The following MYO3B variants were observed in gnomAD, a reference collection of about 807,000 sequenced individuals.
MYO3B encodes the protein myosin IIIB, also known as myosin-IIIb.
In MYO3B, 156 loss-of-function variants were observed where a neutral mutation model predicts 174.6. That is an observed-to-expected ratio of 0.89 (90% CI 0.78 to 1.02). The LOEUF (loss-of-function observed/expected upper bound fraction) is 1.02, where lower values mean the gene tolerates loss of function less well. Among genes scored for constraint, MYO3B ranks in the 50% least tolerant of loss-of-function variants. The probability of loss-of-function intolerance (pLI) is 0.00; values close to 1 mark genes in which losing one functional copy is unlikely to be tolerated. For missense variants in MYO3B, 1,632 were observed against 1,639.4 expected, an observed-to-expected ratio of 1.00 and a Z score of 0.08; for synonymous variants, 563 against 569.1, an observed-to-expected ratio of 0.99 and a Z score of 0.15.
In MYO3B at chr2:170,382,945, G is replaced by T. The variant is rs1250259421; in HGVS notation, c.1069-128G>T. 5 of 648,714 alleles carry T rather than the reference G, an allele frequency of 7.7e-6. No individual in the cohort carries two copies. In the Admixed American group the frequency reaches 9.9e-5, roughly 13 times the overall value. The allele number at this position is 648,714 out of a possible 1,614,324, so 40.2% of individuals were successfully genotyped here. On this transcript the variant is annotated intron_variant, in intron 10 of 34. Transcript: ENST00000408978. The stretch of plus-strand genomic sequence containing the variant: ...ATTGGGATCATTAGGGTCATTGTAT[G>T]ATTTAAATGGACTACTTTCATCGTT...
intron 7 of MYO3B, among the ~76,000 whole-genome samples, chr2:170,310,092 T>G (rs34025731): frequency 0.39 from 58,600 of 152,140 alleles, 13,910 homozygotes; most frequent in East Asian, 0.6. Context: ...CATGGATCAG[T>G]ACTTATATCC....
At chr2:170,544,091 C>A in intron 32 of MYO3B, 103 bp downstream of exon 32, 3 of 836,238 alleles carry the variant, frequency 3.6e-6, no homozygotes, top group African/African-American at 1.7e-5. Flanking sequence ...GTAATATGAC[C>A]AAATGTTGGC....
intron 7 of MYO3B, among the ~76,000 whole-genome samples, chr2:170,279,800 T>G (rs1215003098): frequency 6.6e-6 from 1 of 152,196 alleles, no homozygotes; most frequent in Non-Finnish European, 1.5e-5. Context: ...ATGATCTCAT[T>G]ACTTTTTATG....
Position 170,619,737 on chromosome 2 carries a change from CTTTTTTTT to C in MYO3B, c.3734-31871_3734-31864del, listed in dbSNP as rs71412032. ...GATGGCCCATCACTGCTGCCATATT[CTTTTTTTT>C]TTTTTTTTTTTTTTTTTTTGAGACA... On this transcript the variant is annotated intron_variant, in intron 32 of 34. Coordinates refer to ENST00000408978, the MANE Select transcript of MYO3B (RefSeq NM_138995.5). Among the ~76,000 whole-genome samples the C allele has an allele frequency of 1.9e-3, 96 of 50,784 alleles. 3 individuals carry two copies. Among genetic ancestry groups the C allele is most frequent in the African/African-American group, 7.3e-3 (88 of 12,082 alleles). 33.3% of individuals were successfully genotyped at this position (50,784 alleles called of 152,430 possible).
chr2:170,294,086 C>A (rs1190448493), intron 7 of MYO3B, among the ~76,000 whole-genome samples: 1 of 152,084 alleles, frequency 6.6e-6, no homozygotes, highest in Non-Finnish European at 1.5e-5. Context: ...AGAGACAAGG[C>A]AGAGTTTATC....
chr2:170,472,910 A>G (rs1364433146), intron 25 of MYO3B, among the ~76,000 whole-genome samples: 1 of 151,412 alleles, frequency 6.6e-6, no homozygotes, highest in Non-Finnish European at 1.5e-5. Context: ...CATGTTGCCC[A>G]GGCTGGTTTT....
chr2:170,591,557 G>A (rs1012681360), intron 32 of MYO3B, among the ~76,000 whole-genome samples: 1 of 151,690 alleles, frequency 6.6e-6, no homozygotes, highest in African/African-American at 2.4e-5. Context: ...TGTAGAAAGG[G>A]AGGGTGCAGC....
At chr2:170,276,775 A>G (rs1305753897) in intron 7 of MYO3B, among the ~76,000 whole-genome samples, 2 of 152,150 alleles carry the variant, frequency 1.3e-5, no homozygotes, top group African/African-American at 2.4e-5. Context: ...GCAATTTCCA[A>G]CATAAATTTC....
At chr2:170,207,666 GAA>G (rs11289230) in intron 3 of MYO3B, among the ~76,000 whole-genome samples, 8 of 140,934 alleles carry the variant, frequency 5.7e-5, no homozygotes, top group Middle Eastern at 3.7e-3. Context: ...GGAAGAGAAA[GAA>G]AAAAAAAAAG....
At chr2:170,399,197 GC>G (rs2094458686) in intron 16 of MYO3B, among the ~76,000 whole-genome samples, 1 of 137,928 alleles carries the variant, frequency 7.3e-6, no homozygotes, top group Non-Finnish European at 1.5e-5. Flanking sequence ...AGCCGAGATC[GC>G]GCCATTGCAC....
Position 170,480,572 on chromosome 2 carries a change from C to G in MYO3B, c.3014+13861C>G, listed in dbSNP as rs551454736. 1.3e-4 allele frequency among the ~76,000 whole-genome samples: 20 copies of G among 152,258 alleles called. No homozygotes were observed. The South Asian group carries it at 2.3e-3, about 17-fold the overall frequency. ...AACTCAAAGAGGGTGTCATGGGAAC[C>G]CCAACTTGAAGCTGGTCAGTGAGAA... On this transcript the variant is annotated intron_variant, in intron 25 of 34. Transcript: ENST00000408978.
intron 25 of MYO3B, among the ~76,000 whole-genome samples, chr2:170,472,296 C>G (rs886230815): frequency 6.6e-6 from 1 of 152,106 alleles, no homozygotes; most frequent in African/African-American, 2.4e-5. Context: ...TGATTTGGCC[C>G]CTGCTTACTT....
intron 3 of MYO3B, among the ~76,000 whole-genome samples, chr2:170,211,547 C>A (rs570053811): frequency 1.3e-5 from 2 of 152,190 alleles, no homozygotes; most frequent in East Asian, 1.9e-4. Flanking sequence ...GCAATTCTTA[C>A]AAAATTTAGA....
intron 32 of MYO3B, among the ~76,000 whole-genome samples, chr2:170,635,680 C>G (rs1004690042): frequency 6.6e-6 from 1 of 152,124 alleles, no homozygotes; most frequent in Non-Finnish European, 1.5e-5. Context: ...TCTTAAAGAT[C>G]ACATTATAGG....
intron 32 of MYO3B, among the ~76,000 whole-genome samples, chr2:170,632,498 CT>C (rs1243975270): frequency 3.3e-5 from 5 of 152,004 alleles, no homozygotes; most frequent in Non-Finnish European, 7.4e-5. Context: ...GGGAAACTTA[CT>C]TATAGCACTA....
intron 3 of MYO3B, among the ~76,000 whole-genome samples, chr2:170,203,469 A>C (rs963747331): frequency 7.8e-6 from 1 of 128,270 alleles, no homozygotes; most frequent in East Asian, 2.6e-4. Flanking sequence ...TCAGTATCTA[A>C]TATGTAGAGC....
Position 170,551,349 on chromosome 2 carries a change from A to ATTTATTTAT in MYO3B, c.3733+7363_3733+7364insTATTTATTT, listed in dbSNP as rs1553520401. 7.1e-4 allele frequency among the ~76,000 whole-genome samples: 101 copies of ATTTATTTAT among 142,300 alleles called. 3 individuals carry two copies. In the Middle Eastern group the frequency reaches 0.011, roughly 15 times the overall value. 93.4% of individuals were successfully genotyped at this position (142,300 alleles called of 152,430 possible). A position where few individuals can be genotyped will look rare whatever the true frequency, so the allele number is the denominator to read the frequency against. ...TATATATTTAATTTAATTTAATTTAATTATTTATTTATTTATTTATTTATT... is the reference window on the plus strand; with the variant it reads ...TATATATTTAATTTAATTTAATTTAATTTATTTATTTATTTATTTATTTATTTATTTATT... On this transcript the variant is annotated intron_variant, in intron 32 of 34. Coordinates refer to ENST00000408978, the MANE Select transcript of MYO3B (RefSeq NM_138995.5).
At chr2:170,387,366 G>A (rs368746207) in intron 14 of MYO3B, 58 bp downstream of exon 14, 19 of 1,515,800 alleles carry the variant, frequency 1.3e-5, no homozygotes, top group Non-Finnish European at 1.7e-5. Context: ...GGGAGACTTT[G>A]GAAATTTTAA....
chr2:170,492,329 A>G (rs1686545991), intron 25 of MYO3B, among the ~76,000 whole-genome samples: 1 of 152,180 alleles, frequency 6.6e-6, no homozygotes, highest in South Asian at 2.1e-4. Context: ...GCTTGAGGAT[A>G]TCCTCCACAG....
Sources: allele counts gnomAD v4.1 joint callset (sites outside exome capture counted in the v4.1 genomes callset), GRCh38; gene constraint gnomAD v4.1.1; transcripts MANE v1.5; gene names NCBI Gene and HGNC (gene_info 2026-07-23, HGNC 2026-07-21).